TANGO6: variants seen among roughly 807,000 people sequenced by gnomAD.
The protein encoded by TANGO6 is transport and Golgi organization protein 6 homolog.
In TANGO6, 90 loss-of-function variants were observed where a neutral mutation model predicts 114.2. The observed-to-expected ratio is 0.79, with a 90% CI of 0.66 to 0.94. The LOEUF (loss-of-function observed/expected upper bound fraction) is 0.94, where lower values mean the gene tolerates loss of function less well. TANGO6 is among the 40% of genes least tolerant of loss of function. TANGO6 has a pLI of 0.00. For missense variants in TANGO6, 1,274 were observed against 1,315.3 expected (o/e 0.97, Z 0.49); for synonymous variants, 477 against 509.8 (o/e 0.94, Z 0.87).
intron 14 of TANGO6, among the ~76,000 whole-genome samples, chr16:68,930,541 A>T (rs1458478568): frequency 6.6e-6 from 1 of 152,024 alleles, no homozygotes; most frequent in Non-Finnish European, 1.5e-5. Context: ...CATATTCTGT[A>T]GATTAAATCG....
chr16:68,850,955 A>T (rs1010924858), intron 1 of TANGO6, among the ~76,000 whole-genome samples: 3 of 152,152 alleles, frequency 2.0e-5, no homozygotes, highest in African/African-American at 7.2e-5. Flanking sequence ...CTCTAAAACT[A>T]ATAAAATTAG....
chr16:69,083,263 G>A (rs140893196), intron 17 of TANGO6, among the ~76,000 whole-genome samples: 12 of 152,070 alleles, frequency 7.9e-5, no homozygotes, highest in East Asian at 5.8e-4. Flanking sequence ...GTTTTGCCAC[G>A]TTGCCCACGC....
In TANGO6 at chr16:68,927,703, G is replaced by A; in HGVS notation, c.2263G>A (p.Ala755Thr). 2 of 1,613,970 alleles carry A rather than the reference G, an allele frequency of 1.2e-6. No homozygotes were observed. Among genetic ancestry groups the A allele is most frequent in the Non-Finnish European group, 1.7e-6 (2 of 1,179,896 alleles). Residue 755 changes from alanine (A) to threonine (T), a missense_variant, in exon 13 of 18, where the codon GCC becomes ACC. Around this residue, in one of 5 missense-constraint regions of TANGO6, gnomAD observed 908 missense variants for 910.2 expected, o/e 1.00. Coordinates refer to ENST00000261778, the MANE Select transcript of TANGO6 (RefSeq NM_024562.2). Reference sequence around the variant, plus strand: ...CACCATCTCTACCCATGGAGCCTTTGCCACTGAGGCCGTCAGCATGGCTGC... The same window carrying A: ...CACCATCTCTACCCATGGAGCCTTTACCACTGAGGCCGTCAGCATGGCTGC... ...RITISTHGAF[A>T]TEAVSMAAQS...
Position 68,907,467 on chromosome 16 carries a change from G to T in TANGO6, c.1692G>T (p.Leu564=), listed in dbSNP as rs763514479. The change falls in exon 10 of 18, where the codon CTG becomes CTT. Residue 564 remains leucine (L), a synonymous_variant. Coordinates refer to ENST00000261778, the MANE Select transcript of TANGO6 (RefSeq NM_024562.2). The part of the protein sequence containing the change: ...AISDEDEDEA[L]YQKVSSEQGR... ...GTGATGAAGATGAAGATGAAGCCCT[G>T]TACCAGAAGGTATCCTCTGAGCAGG... The T allele has an allele frequency of 5.0e-6, 8 of 1,609,696 alleles. No individual in the cohort carries two copies. In the Admixed American group the frequency reaches 6.8e-5, roughly 14 times the overall value.
At chr16:68,947,845 GCCTCC>G (rs1346733736) in intron 14 of TANGO6, among the ~76,000 whole-genome samples, 6 of 152,036 alleles carry the variant, frequency 3.9e-5, no homozygotes, top group Non-Finnish European at 8.8e-5. Flanking sequence ...GCCTGCCCCG[GCCTCC>G]CAAAGTGCTG....
At chr16:68,847,762 G>A (rs1174167148) in intron 1 of TANGO6, among the ~76,000 whole-genome samples, 2 of 152,130 alleles carry the variant, frequency 1.3e-5, no homozygotes, top group Non-Finnish European at 2.9e-5. Context: ...CACTTTGGGA[G>A]GCCATGGCGG....
intron 16 of TANGO6, among the ~76,000 whole-genome samples, chr16:69,030,720 C>T (rs1053814569): frequency 1.3e-5 from 2 of 151,932 alleles, no homozygotes; most frequent in African/African-American, 4.8e-5. Flanking sequence ...AGAAAAGCAT[C>T]GTTTGTGACC....
intron 14 of TANGO6, among the ~76,000 whole-genome samples, chr16:68,961,676 T>C (rs1963592999): frequency 6.6e-6 from 1 of 152,232 alleles, no homozygotes; most frequent in Admixed American, 6.5e-5. Context: ...TAGAAAACAC[T>C]TTAAGGAAAT....
chr16:68,900,516 G>A lies in TANGO6; in HGVS notation c.1460G>A (p.Cys487Tyr). ...CTGGGAGTGCTTTTTCTTCTCTACT[G>A]TTTTACTAAGCAGAGTGTGTCTCAC... ...PVLGVLFLLY[C>Y]FTKQSVSHIR... Residue 487 changes from cysteine (C) to tyrosine (Y), a missense_variant, in exon 8 of 18, where the codon TGT becomes TAT. Around this residue, in one of 5 missense-constraint regions of TANGO6, gnomAD observed 908 missense variants for 910.2 expected, o/e 1.00. Transcript: ENST00000261778. 6.2e-7 allele frequency: 1 copy of A among 1,613,796 alleles called. No individual in the cohort carries two copies. Among genetic ancestry groups the A allele is most frequent in the South Asian group, 1.1e-5 (1 of 91,074 alleles).
At chr16:68,945,464 C>T (rs1267147398) in intron 14 of TANGO6, among the ~76,000 whole-genome samples, 1 of 151,996 alleles carries the variant, frequency 6.6e-6, no homozygotes, top group African/African-American at 2.4e-5. Context: ...ATATTATGTG[C>T]ACTGCGTGCT....
chr16:68,845,394 G>T (rs1423520407), intron 1 of TANGO6, among the ~76,000 whole-genome samples: 1 of 152,074 alleles, frequency 6.6e-6, no homozygotes, highest in Non-Finnish European at 1.5e-5. Flanking sequence ...ATGAGTATGT[G>T]GTGGAGTACA....
chr16:68,944,713 A>G (rs1963395210), intron 14 of TANGO6, among the ~76,000 whole-genome samples: 1 of 152,230 alleles, frequency 6.6e-6, no homozygotes, highest in Admixed American at 6.5e-5. Flanking sequence ...ATTTTTCCCA[A>G]GGTGAGTCAG....
At chr16:69,052,610 G>A (rs1485363552) in intron 17 of TANGO6, among the ~76,000 whole-genome samples, 1 of 151,936 alleles carries the variant, frequency 6.6e-6, no homozygotes, top group Non-Finnish European at 1.5e-5. Flanking sequence ...ATAAAAGTGG[G>A]CCCCCTCAGC....
At chr16:68,959,833 A>G (rs909690994) in intron 14 of TANGO6, among the ~76,000 whole-genome samples, 2 of 152,218 alleles carry the variant, frequency 1.3e-5, no homozygotes, top group African/African-American at 4.8e-5. Flanking sequence ...CTGACAAGTC[A>G]GTCAGCTCTG....
At position 68,927,834 on chromosome 16, in the gene TANGO6, G is replaced by A. The variant is rs1304804356; in HGVS notation, c.2394G>A (p.Gln798=). 6.2e-7 allele frequency: 1 copy of A among 1,613,998 alleles called. No individual in the cohort carries two copies. Among genetic ancestry groups the A allele is most frequent in the East Asian group, 2.2e-5 (1 of 44,890 alleles). ...TAGCTCATAGCCACCTTGAACAACAGCAGAGCCATGAGACAGCCCCCCAGA... is the reference window on the plus strand; with the variant it reads ...TAGCTCATAGCCACCTTGAACAACAACAGAGCCATGAGACAGCCCCCCAGA... ...TDVAHSHLEQ[Q]QSHETAPQTG... is the part of the protein sequence containing the mutation. The change falls in exon 13 of 18, where the codon CAG becomes CAA. Residue 798 remains glutamine, a synonymous_variant. Transcript: ENST00000261778.
At position 68,887,224 on chromosome 16, in the gene TANGO6, G is replaced by T. The variant is rs558931306; in HGVS notation, c.1377+6594G>T. On this transcript the variant is annotated intron_variant, in intron 7 of 17. Transcript: ENST00000261778. Reference sequence around the variant, plus strand: ...TTGGAGTGTGGGTCTATTTTATCTTGGTGCCTCACTTGGCATTTCCACCTT... The same window carrying T: ...TTGGAGTGTGGGTCTATTTTATCTTTGTGCCTCACTTGGCATTTCCACCTT... Among the ~76,000 whole-genome samples, 3 of 152,204 alleles carry T rather than the reference G, an allele frequency of 2.0e-5. No individual in the cohort carries two copies. In the South Asian group the frequency reaches 6.2e-4, roughly 32 times the overall value.
At chr16:68,909,559 A>G in intron 11 of TANGO6, 157 bp downstream of exon 11, 1 of 601,496 alleles carries the variant, frequency 1.7e-6, no homozygotes, top group Non-Finnish European at 2.4e-6. Flanking sequence ...ACACCAGGCC[A>G]CTGAATCCAA....
chr16:68,944,030 C>T lies in TANGO6; in HGVS notation c.2701+13735C>T, dbSNP rs527728208. 1.1e-4 allele frequency among the ~76,000 whole-genome samples: 16 copies of T among 152,124 alleles called. No homozygotes were observed. The South Asian group carries it at 1.7e-3, about 16-fold the overall frequency. On this transcript the variant is annotated intron_variant, in intron 14 of 17. Transcript: ENST00000261778. ...TTTATAGCTAGTCAGTCTTTGAGTCCGGGTTGGGTTTGGTTTTTTTAGCCT... is the reference window on the plus strand; with the variant it reads ...TTTATAGCTAGTCAGTCTTTGAGTCTGGGTTGGGTTTGGTTTTTTTAGCCT...
At chr16:69,063,603 T>TTGAACC (rs1960161940) in intron 17 of TANGO6, among the ~76,000 whole-genome samples, 1 of 133,538 alleles carries the variant, frequency 7.5e-6, no homozygotes, top group Admixed American at 8.8e-5. Context: ...GGAGAATCGC[T>TTGAACC]TGAACCTGGG....
Sources: gnomAD v4.1 joint callset for allele counts (sites outside exome capture counted in the v4.1 genomes callset) on GRCh38, gnomAD v4.1.1 for gene constraint, gnomAD v4.1.1 regional missense constraint, MANE v1.5 for transcripts, NCBI Gene and HGNC (gene_info 2026-07-23, HGNC 2026-07-21) for gene names.